The following PIH1D2 variants were observed in gnomAD, a reference collection of about 807,000 sequenced individuals.
PIH1D2 encodes PIH1 domain containing 2, also known as PIH1 domain-containing protein 2.
PIH1D2 carries 25 observed loss-of-function variants against 31.2 expected under a neutral mutation model. The ratio of observed to expected loss-of-function variants is 0.80; its 90% CI spans 0.58 to 1.12. The LOEUF is 1.12. Ranked by LOEUF, PIH1D2 falls within the 50% of genes most tolerant of loss-of-function variation. The pLI is 0.00. For missense variants in PIH1D2, 310 were observed against 356.6 expected (o/e 0.87, Z 1.05); for synonymous variants, 116 against 119.9 (o/e 0.97, Z 0.21).
downstream of PIH1D2, chr11:112,067,685 A>AAAAT: frequency 1.1e-4 from 2 of 17,804 alleles, no homozygotes; most frequent in African/African-American, 3.5e-4. Flanking sequence ...AAAAAAAAAA[A>AAAAT]ATATATATAT....
downstream of PIH1D2, among the ~76,000 whole-genome samples, chr11:112,066,612 T>C (rs1418939750): frequency 5.4e-5 from 8 of 147,312 alleles, no homozygotes; most frequent in Non-Finnish European, 8.9e-5. Context: ...CATTCCAGCT[T>C]GGGCAACAAA....
At chr11:112,073,437 C>T (rs1360212028) in intron 1 of PIH1D2, among the ~76,000 whole-genome samples, 3 of 152,180 alleles carry the variant, frequency 2.0e-5, no homozygotes, top group Non-Finnish European at 4.4e-5. Context: ...TCTATTTGGA[C>T]CCTGACAAGT....
At chr11:112,060,778 CTTA>C, downstream of PIH1D2, among the ~76,000 whole-genome samples, 1 of 152,242 alleles carries the variant, frequency 6.6e-6, no homozygotes, top group East Asian at 1.9e-4. Flanking sequence ...CCACGTAACT[CTTA>C]TTGACACACC....
chr11:112,070,768 A>C lies in PIH1D2; in HGVS notation c.548-67T>G, dbSNP rs1592752107. ...TACAACATAAAATACTATGAGCTAT[A>C]ATATATGTGGTGTTAGTAGAGATGG... On this transcript the variant is annotated intron_variant, in intron 4 of 5. Transcript: ENST00000280350. 3.3e-6 allele frequency: 5 copies of C among 1,508,058 alleles called. No individual in the cohort carries two copies. In the East Asian group the frequency reaches 9.2e-5, roughly 28 times the overall value. 93.4% of individuals were successfully genotyped at this position (1,508,058 alleles called of 1,614,324 possible).
intron 1 of PIH1D2, 73 bp from the exon 2 acceptor site, chr11:112,073,278 G>A: frequency 9.3e-7 from 1 of 1,075,648 alleles, no homozygotes; most frequent in Non-Finnish European, 1.3e-6. Context: ...TGGGGAGGTG[G>A]AATGGGTCAG....
chr11:112,061,380 C>T (rs1864612774), downstream of PIH1D2: 1 of 578,672 alleles, frequency 1.7e-6, no homozygotes. Context: ...TATAATAATA[C>T]AATACCTAAA....
In PIH1D2 at chr11:112,071,831, G is replaced by A. The variant is rs1322635203; in HGVS notation, c.178-73C>T. On this transcript the variant is annotated intron_variant, in intron 2 of 5. Coordinates refer to ENST00000280350, the MANE Select transcript of PIH1D2 (RefSeq NM_138789.4). Reference sequence around the variant, plus strand: ...TTTAAGGCCAGGCATGGTGGCTCCCGCCTGTAATCCGAGCACTTTGGGGGT... The same window carrying A: ...TTTAAGGCCAGGCATGGTGGCTCCCACCTGTAATCCGAGCACTTTGGGGGT... The A allele has an allele frequency of 7.2e-6, 11 of 1,535,002 alleles. No homozygotes were observed. The Admixed American group carries it at 1.2e-4, about 17-fold the overall frequency.
downstream of PIH1D2, chr11:112,061,287 A>G: frequency 9.1e-7 from 1 of 1,099,528 alleles, no homozygotes. Context: ...ATCGTGATCC[A>G]CAATGCTCAA....
At chr11:112,069,561 T>C (rs1422700318) in intron 5 of PIH1D2, among the ~76,000 whole-genome samples, 2 of 151,932 alleles carry the variant, frequency 1.3e-5, no homozygotes, top group East Asian at 3.9e-4. Flanking sequence ...CATATAAGAA[T>C]GGCACATTCT....
At chr11:112,065,129 C>T (rs140686705), downstream of PIH1D2, among the ~76,000 whole-genome samples, 426 of 152,214 alleles carry the variant, frequency 2.8e-3, 1 homozygote, top group Non-Finnish European at 4.9e-3. Flanking sequence ...TGAGCCACCA[C>T]GCCCAGCCTC....
At chr11:112,052,578 G>T in the PIH1D2 span, among the ~76,000 whole-genome samples, 4 of 152,154 alleles carry the variant, frequency 2.6e-5, no homozygotes. Flanking sequence ...TTTGAGGTGG[G>T]GTGGTGCAGA....
At chr11:112,061,787 G>A (rs1864646106), downstream of PIH1D2, among the ~76,000 whole-genome samples, 1 of 152,092 alleles carries the variant, frequency 6.6e-6, no homozygotes, top group Admixed American at 6.5e-5. Context: ...GTTTCACCAT[G>A]TAGGCCAGGC....
the PIH1D2 span, among the ~76,000 whole-genome samples, chr11:112,056,231 G>A: frequency 6.6e-6 from 1 of 152,038 alleles, no homozygotes; most frequent in Non-Finnish European, 1.5e-5. Flanking sequence ...TGCTCTAAGT[G>A]TACAATTTCT....
downstream of PIH1D2, chr11:112,067,713 T>TATATATAA (rs1555184023): frequency 3.9e-6 from 1 of 255,778 alleles, no homozygotes; most frequent in Non-Finnish European, 6.9e-6. Context: ...TATATATATA[T>TATATATAA]TTGACATAAC....
downstream of PIH1D2, among the ~76,000 whole-genome samples, chr11:112,066,378 C>T (rs1337706789): frequency 6.6e-6 from 1 of 152,012 alleles, no homozygotes; most frequent in East Asian, 1.9e-4. Flanking sequence ...TGGTGGCTTA[C>T]GTCTGTAATG....
At chr11:112,064,031 C>A, downstream of PIH1D2, 1 of 712,528 alleles carries the variant, frequency 1.4e-6, no homozygotes, top group Non-Finnish European at 2.2e-6. Flanking sequence ...CAGACTTTTA[C>A]CTTGCTGTAT....
intron 4 of PIH1D2, 111 bp from the exon 5 acceptor site, chr11:112,070,812 A>G (rs1346066461): frequency 3.5e-5 from 46 of 1,312,688 alleles, no homozygotes; most frequent in Non-Finnish European, 4.5e-5. Flanking sequence ...GCTGCAGTTA[A>G]ATTAGTTTGG....
chr11:112,073,204 G>A lies in PIH1D2; in HGVS notation c.-30C>T. The A allele has an allele frequency of 1.3e-6, 2 of 1,528,994 alleles. No individual in the cohort carries two copies. The highest frequency in any genetic ancestry group is 1.8e-6 in the Non-Finnish European group (2 of 1,127,294). 94.7% of individuals were successfully genotyped at this position (1,528,994 alleles called of 1,614,324 possible). On this transcript the variant is annotated splice_region_variant and 5_prime_UTR_variant, in exon 2 of 6. Transcript: ENST00000280350. ...TATGAGTGGTGAATAATTTTCTTAA[G>A]CCTGTGGAAAAACACGACTTCAGGA...
At chr11:112,070,859 A>C in intron 4 of PIH1D2, 158 bp from the exon 5 acceptor site, 3 of 1,223,754 alleles carry the variant, frequency 2.5e-6, no homozygotes, top group Non-Finnish European at 3.3e-6. Context: ...AAAGAATTTG[A>C]TTGAAAATTT....
Sources: allele counts gnomAD v4.1 joint callset (sites outside exome capture counted in the v4.1 genomes callset), GRCh38; gene constraint gnomAD v4.1.1; transcripts MANE v1.5; gene names NCBI Gene and HGNC (gene_info 2026-07-23, HGNC 2026-07-21).